Variants in LRRC2 observed in about 807,000 individuals in gnomAD.
The protein encoded by LRRC2 is leucine rich repeat containing 2.
LRRC2 carries 27 observed loss-of-function variants against 40.2 expected under a neutral mutation model. The ratio of observed to expected loss-of-function variants is 0.67; its 90% CI spans 0.49 to 0.93. The LOEUF (loss-of-function observed/expected upper bound fraction) is 0.93, where lower values mean the gene tolerates loss of function less well. LRRC2 is among the 40% of genes least tolerant of loss of function. The pLI, the probability that LRRC2 is intolerant of heterozygous loss-of-function variation, is 0.00. For synonymous variants in LRRC2, 147 were observed against 158.9 expected, an observed-to-expected ratio of 0.92 and a Z score of 0.56; for missense variants, 402 against 439.6, an observed-to-expected ratio of 0.91 and a Z score of 0.76.
chr3:46,520,107 A>G (rs1198393504), intron 8 of LRRC2, among the ~76,000 whole-genome samples: 1 of 149,578 alleles, frequency 6.7e-6, no homozygotes, highest in Admixed American at 6.7e-5. Flanking sequence ...AAACAAATTA[A>G]TTTATTTAAG....
chr3:46,521,411 G>T, intron 8 of LRRC2, 111 bp downstream of exon 8: 1 of 727,978 alleles, frequency 1.4e-6, no homozygotes, highest in Non-Finnish European at 2.2e-6. Flanking sequence ...ACGAAGTAAC[G>T]TGCCCCTCAA....
chr3:46,557,300 C>G (rs534762870), intron 1 of LRRC2: 1 of 152,582 alleles, frequency 6.6e-6, no homozygotes, highest in Admixed American at 6.5e-5. Context: ...ACCTTGCGAC[C>G]CCCACTCCTG....
intron 1 of LRRC2, among the ~76,000 whole-genome samples, chr3:46,552,381 TAA>T (rs59750352): frequency 0.21 from 30,260 of 144,756 alleles, 3,138 homozygotes; most frequent in South Asian, 0.3. Flanking sequence ...TATTTAAATC[TAA>T]AAAAAAAAAA....
intron 3 of LRRC2, among the ~76,000 whole-genome samples, chr3:46,541,277 G>A (rs1431595478): frequency 4.7e-5 from 7 of 149,956 alleles, no homozygotes; most frequent in African/African-American, 1.5e-4. Context: ...ACCTTGAAGT[G>A]AGCCGAGAAT....
chr3:46,533,775 TTTTCTTTCTTTCTTTCTTTCTTTG>T (rs1553612501), intron 4 of LRRC2, among the ~76,000 whole-genome samples: 42 of 93,000 alleles, frequency 4.5e-4, no homozygotes, highest in African/African-American at 1.3e-3. Context: ...CCTCCCTCTC[TTTTCTTTCTTTCTTTCTTTCTTTG>T]TTTCTTTCTT....
intron 3 of LRRC2, among the ~76,000 whole-genome samples, chr3:46,541,681 C>T (rs1704395211): frequency 6.6e-6 from 1 of 152,198 alleles, no homozygotes; most frequent in Non-Finnish European, 1.5e-5. Flanking sequence ...GTAGAAGAGC[C>T]TGGTACCCCT....
chr3:46,529,644 T>C (rs1316244147), intron 6 of LRRC2, among the ~76,000 whole-genome samples: 2 of 152,184 alleles, frequency 1.3e-5, no homozygotes, highest in Non-Finnish European at 2.9e-5. Context: ...AATGGTGCCA[T>C]TCTACGGAGA....
chr3:46,554,641 T>TA (rs34382739), intron 1 of LRRC2, among the ~76,000 whole-genome samples: 48,107 of 137,164 alleles, frequency 0.35, 8,509 homozygotes, highest in East Asian at 0.64. Flanking sequence ...GACTCTGTCT[T>TA]AAAAAAAAAA....
At chr3:46,562,973 G>T (rs768194321) in intron 1 of LRRC2, among the ~76,000 whole-genome samples, 1 of 151,960 alleles carries the variant, frequency 6.6e-6, no homozygotes. Context: ...TGATCTGCCC[G>T]CCTCGGCATC....
intron 1 of LRRC2, 82 bp from the exon 2 acceptor site, chr3:46,551,692 A>C: frequency 1.9e-6 from 2 of 1,036,400 alleles, no homozygotes; most frequent in Non-Finnish European, 2.7e-6. Flanking sequence ...TGAAATATGA[A>C]TGAATCACTT....
At chr3:46,561,210 G>A (rs1704932428) in intron 1 of LRRC2, among the ~76,000 whole-genome samples, 1 of 151,966 alleles carries the variant, frequency 6.6e-6, no homozygotes, top group African/African-American at 2.4e-5. Flanking sequence ...AGAGGGACTA[G>A]CCCAAGAGGG....
intron 1 of LRRC2, among the ~76,000 whole-genome samples, chr3:46,563,242 C>T (rs1469149365): frequency 6.6e-6 from 1 of 152,156 alleles, no homozygotes; most frequent in African/African-American, 2.4e-5. Flanking sequence ...CCCACTCAAC[C>T]CCATCTTCTA....
intron 4 of LRRC2, 62 bp downstream of exon 4, chr3:46,538,983 C>G (rs953999799): frequency 3.2e-6 from 5 of 1,543,552 alleles, no homozygotes; most frequent in Non-Finnish European, 4.4e-6. Flanking sequence ...TGTCTGTCAC[C>G]TGCCTGACAG....
chr3:46,560,282 C>T (rs1704906257), intron 1 of LRRC2, among the ~76,000 whole-genome samples: 1 of 152,224 alleles, frequency 6.6e-6, no homozygotes. Context: ...CCATAGGACA[C>T]AGTTGTCAGG....
At chr3:46,533,803 C>CTTTCTTTCTTTCTTTCTCTCTTTCTTTG (rs1324185043) in intron 4 of LRRC2, among the ~76,000 whole-genome samples, 1 of 122,034 alleles carries the variant, frequency 8.2e-6, no homozygotes, top group Non-Finnish European at 1.8e-5. Context: ...TTCTTTGTTT[C>CTTTCTTTCTTTCTTTCTCTCTTTCTTTG]TTTCTTTCTT....
chr3:46,519,144 G>T, intron 8 of LRRC2, 81 bp from the exon 9 acceptor site: 1 of 924,004 alleles, frequency 1.1e-6, no homozygotes, highest in South Asian at 1.3e-5. Flanking sequence ...CATACATAAT[G>T]AATGTATGTC....
At chr3:46,544,371 T>C (rs1347068035) in intron 3 of LRRC2, among the ~76,000 whole-genome samples, 1 of 152,010 alleles carries the variant, frequency 6.6e-6, no homozygotes, top group East Asian at 1.9e-4. Context: ...ATACAAAAAT[T>C]AGCCAGGCAT....
At chr3:46,538,700 C>A (rs998619172) in intron 4 of LRRC2, among the ~76,000 whole-genome samples, 1 of 152,142 alleles carries the variant, frequency 6.6e-6, no homozygotes, top group African/African-American at 2.4e-5. Flanking sequence ...TGTATAAGAG[C>A]AATACATTAC....
At chr3:46,541,125 A>G (rs1704378129) in intron 3 of LRRC2, among the ~76,000 whole-genome samples, 1 of 152,156 alleles carries the variant, frequency 6.6e-6, no homozygotes, top group Non-Finnish European at 1.5e-5. Flanking sequence ...CGAGGTCAGG[A>G]GATCGAGACC....
Sources: allele counts gnomAD v4.1 joint callset (sites outside exome capture counted in the v4.1 genomes callset), GRCh38; gene constraint gnomAD v4.1.1; transcripts MANE v1.5; gene names NCBI Gene and HGNC (gene_info 2026-07-23, HGNC 2026-07-21).